Variants in CACNA2D4 observed in about 807,000 individuals in gnomAD.
The protein encoded by CACNA2D4 is calcium voltage-gated channel auxiliary subunit alpha2delta 4, also known as voltage-dependent calcium channel subunit alpha-2/delta-4.
A neutral mutation model predicts 163.8 loss-of-function variants in CACNA2D4; 157 were observed. The ratio of observed to expected loss-of-function variants is 0.96; its 90% confidence interval spans 0.84 to 1.09. The LOEUF is 1.09. Among genes scored for constraint, CACNA2D4 ranks in the 50% least tolerant of loss-of-function variants. The pLI, the probability that CACNA2D4 is intolerant of heterozygous loss-of-function variation, is 0.00. For missense variants in CACNA2D4, 1,410 were observed against 1,479.9 expected (o/e 0.95, Z 0.78); for synonymous variants, 598 against 586.9 (o/e 1.02, Z -0.27).
chr12:1,895,628 A>T (rs1478005342), intron 6 of CACNA2D4, among the ~76,000 whole-genome samples: 1 of 152,212 alleles, frequency 6.6e-6, no homozygotes, highest in Non-Finnish European at 1.5e-5. Context: ...TTTAAAAATT[A>T]ATTACTTAAT....
Position 1,884,336 on chromosome 12 carries a change from A to G in CACNA2D4, c.1273-15T>C, listed in dbSNP as rs1592733038. 6.2e-7 allele frequency: 1 copy of G among 1,608,358 alleles called. No homozygotes were observed. Among genetic ancestry groups the G allele is most frequent in the Admixed American group, 1.7e-5 (1 of 59,698 alleles). ...AAAACTCGGACCTAACCCACAAGAC[A>G]CAGAGGCACTCAGCAGCAAAATTCC... is the stretch of plus-strand genomic sequence containing the variant. On this transcript the variant is annotated splice_polypyrimidine_tract_variant and intron_variant, in intron 11 of 37. Transcript: ENST00000382722.
chr12:1,867,395 T>C lies in CACNA2D4; in HGVS notation c.1879-7189A>G, dbSNP rs76833336. On this transcript the variant is annotated intron_variant, in intron 18 of 37. Transcript: ENST00000382722. Reference sequence around the variant, plus strand: ...AAGTTCTGTTTCTTTCTCTGTCTTTTTCCCCATTTTCCCCCTGGTTTTTAA... The same window carrying C: ...AAGTTCTGTTTCTTTCTCTGTCTTTCTCCCCATTTTCCCCCTGGTTTTTAA... Among the ~76,000 whole-genome samples, 502 of 152,336 alleles carry C rather than the reference T, an allele frequency of 3.3e-3. 1 individual carries two copies. Among genetic ancestry groups the C allele is most frequent in the African/African-American group, 0.012 (491 of 41,584 alleles).
chr12:1,815,000 C>T (rs1863829612), intron 26 of CACNA2D4, among the ~76,000 whole-genome samples: 1 of 152,242 alleles, frequency 6.6e-6, no homozygotes, highest in Non-Finnish European at 1.5e-5. Flanking sequence ...AGTGATTCTC[C>T]TGCCTCGGCC....
At chr12:1,832,488 C>T (rs1379780104) in intron 26 of CACNA2D4, among the ~76,000 whole-genome samples, 1 of 152,190 alleles carries the variant, frequency 6.6e-6, no homozygotes, top group Non-Finnish European at 1.5e-5. Flanking sequence ...GAAGAAGATG[C>T]TCAATGAATG....
At chr12:1,890,462 A>G (rs1866253450) in intron 6 of CACNA2D4, among the ~76,000 whole-genome samples, 1 of 152,154 alleles carries the variant, frequency 6.6e-6, no homozygotes, top group South Asian at 2.1e-4. Context: ...TGAAATCACC[A>G]CAAATTTTCA....
intron 18 of CACNA2D4, among the ~76,000 whole-genome samples, chr12:1,872,586 G>A (rs1865809259): frequency 1.3e-5 from 2 of 152,220 alleles, no homozygotes; most frequent in African/African-American, 4.8e-5. Context: ...CAGGCAGGCC[G>A]ACCATGGGGC....
chr12:1,818,744 G>A (rs1448798268), intron 26 of CACNA2D4, among the ~76,000 whole-genome samples: 1 of 136,442 alleles, frequency 7.3e-6, no homozygotes, highest in Non-Finnish European at 1.5e-5. Flanking sequence ...CCCCCTCTGC[G>A]AGAAACACCC....
At chr12:1,804,682 G>A (rs1430253229) in intron 29 of CACNA2D4, among the ~76,000 whole-genome samples, 1 of 152,252 alleles carries the variant, frequency 6.6e-6, no homozygotes, top group South Asian at 2.1e-4. Context: ...CCAATGGAAT[G>A]TGAGCAGAGC....
chr12:1,908,569 C>T (rs1342231174), intron 4 of CACNA2D4, among the ~76,000 whole-genome samples: 1 of 152,106 alleles, frequency 6.6e-6, no homozygotes, highest in Non-Finnish European at 1.5e-5. Context: ...GCCCCGTTTC[C>T]TCCACACGAC....
intron 26 of CACNA2D4, among the ~76,000 whole-genome samples, chr12:1,826,085 A>T (rs1864305421): frequency 6.6e-6 from 1 of 152,132 alleles, no homozygotes; most frequent in Non-Finnish European, 1.5e-5. Context: ...ACAACCTCAC[A>T]GGGGAGGTTG....
Position 1,795,334 on chromosome 12 carries a change from G to A in CACNA2D4, c.3274C>T (p.Arg1092Trp), listed in dbSNP as rs199937116. ...AAGGCGTGGCAGGAGTCTGGTCGCC[G>A]GCGGAGCTTCTGGGAGCGCATCCGG... The part of the protein sequence containing the change: ...CDRMRSQKLR[R>W]RPDSCHAFHP... The change falls in exon 37 of 38, where the codon CGG becomes TGG. Residue 1092 changes from arginine to tryptophan, a missense_variant. Transcript: ENST00000382722. 6.2e-7 allele frequency: 1 copy of A among 1,612,772 alleles called. No homozygotes were observed. Among genetic ancestry groups the A allele is most frequent in the Non-Finnish European group, 8.5e-7 (1 of 1,179,842 alleles).
intron 18 of CACNA2D4, among the ~76,000 whole-genome samples, chr12:1,870,542 A>G (rs985831657): frequency 1.3e-5 from 2 of 151,780 alleles, no homozygotes; most frequent in African/African-American, 4.8e-5. Flanking sequence ...ATCAAAACGC[A>G]TATCACACCC....
Position 1,829,517 on chromosome 12 carries a change from AGGGAGGCCT to A in CACNA2D4, c.2551+11213_2551+11221del, listed in dbSNP as rs1486370149. Reference sequence around the variant, plus strand: ...ACAGTGAGGCTTGCTGTTAGGCTGCAGGGAGGCCTGGGCCAGATCTAGCCACGTGTCAGC... The same window carrying A: ...ACAGTGAGGCTTGCTGTTAGGCTGCAGGGCCAGATCTAGCCACGTGTCAGC... On this transcript the variant is annotated intron_variant, in intron 26 of 37. Transcript: ENST00000382722. This position sits in a 1 kb window ranked among gnomAD's most constrained non-coding sequence, Gnocchi z 4.2. 1.3e-5 allele frequency among the ~76,000 whole-genome samples: 2 copies of A among 152,040 alleles called. No individual in the cohort carries two copies. The highest frequency in any genetic ancestry group is 2.9e-5 in the Non-Finnish European group (2 of 67,990).
At chr12:1,809,149 T>C (rs893200033) in intron 29 of CACNA2D4, among the ~76,000 whole-genome samples, 1 of 152,236 alleles carries the variant, frequency 6.6e-6, no homozygotes, top group Non-Finnish European at 1.5e-5. Context: ...TTGCCCTCTT[T>C]CCCAAGTCTC....
At chr12:1,807,328 T>G (rs1206021742) in intron 29 of CACNA2D4, among the ~76,000 whole-genome samples, 1 of 151,384 alleles carries the variant, frequency 6.6e-6, no homozygotes, top group African/African-American at 2.4e-5. Context: ...GGACATGACA[T>G]GACAGCAGCC....
intron 6 of CACNA2D4, among the ~76,000 whole-genome samples, chr12:1,889,812 C>A (rs760819402): frequency 2.0e-5 from 3 of 151,654 alleles, no homozygotes; most frequent in African/African-American, 7.3e-5. Context: ...ATAAAAACAC[C>A]AGGACAAGTA....
chr12:1,895,569 T>C (rs1023667844), intron 6 of CACNA2D4, among the ~76,000 whole-genome samples: 3 of 152,134 alleles, frequency 2.0e-5, no homozygotes, highest in African/African-American at 7.2e-5. Flanking sequence ...TGAAACAGAA[T>C]AGAGAACCCA....
At chr12:1,825,290 G>A (rs1383491397) in intron 26 of CACNA2D4, among the ~76,000 whole-genome samples, 1 of 152,202 alleles carries the variant, frequency 6.6e-6, no homozygotes, top group East Asian at 1.9e-4. Context: ...GGAGGCAGAA[G>A]CCTTAGGTGG....
chr12:1,917,864 C>A lies in CACNA2D4; in HGVS notation c.227+383G>T. On this transcript the variant is annotated intron_variant, in intron 1 of 37. Transcript: ENST00000382722. This position sits in a 1 kb window ranked among gnomAD's most constrained non-coding sequence, Gnocchi z 4.3. ...ATTTCCTGCCAAATGCTTCGGGGAG[C>A]TGCGATGCTGAGATAACCCGGCTCC... 1 of 209,512 alleles carries A rather than the reference C, an allele frequency of 4.8e-6. No homozygotes were observed. The highest frequency in any genetic ancestry group is 7.8e-5 in the South Asian group (1 of 12,882). 13.0% of individuals were successfully genotyped at this position (209,512 alleles called of 1,614,324 possible). A position where few individuals can be genotyped will look rare whatever the true frequency, so the allele number is the denominator to read the frequency against.
Sources: allele counts gnomAD v4.1 joint callset (sites outside exome capture counted in the v4.1 genomes callset), GRCh38; gene constraint gnomAD v4.1.1; non-coding constraint Gnocchi (gnomAD v3.1); transcripts MANE v1.5; gene names NCBI Gene and HGNC (gene_info 2026-07-23, HGNC 2026-07-21).